The following RBPJ variants were observed in gnomAD, a reference collection of about 807,000 sequenced individuals.
RBPJ encodes recombining binding protein suppressor of hairless.
Under a neutral mutation model 67.8 loss-of-function variants are expected in RBPJ, and 9 were observed. The ratio of observed to expected loss-of-function variants is 0.13; its 90% CI spans 0.08 to 0.23. The LOEUF is 0.23. Ranked by LOEUF, RBPJ falls within the 10% of genes least tolerant of loss-of-function variation. The pLI is 1.00. For missense variants in RBPJ, 305 were observed against 595.6 expected, an observed-to-expected ratio of 0.51 and a Z score of 5.08; for synonymous variants, 198 against 203.3, an observed-to-expected ratio of 0.97 and a Z score of 0.22.
At chr4:26,385,018 T>G (rs1415332900) in intron 1 of RBPJ, among the ~76,000 whole-genome samples, 5 of 121,854 alleles carry the variant, frequency 4.1e-5, no homozygotes, top group Non-Finnish European at 6.8e-5. Context: ...CCCCTTTCCT[T>G]TCCTCTCGTC....
chr4:26,221,025 GTA>G (rs1718884205), intron 1 of RBPJ, among the ~76,000 whole-genome samples: 1 of 152,222 alleles, frequency 6.6e-6, no homozygotes, highest in Non-Finnish European at 1.5e-5. Context: ...ACTCATTAAT[GTA>G]TAACTAGGAC....
rs145496526 is a variant in RBPJ, at chr4:26,241,995, C to T, written c.-167+78381C>T. 2.7e-3 allele frequency among the ~76,000 whole-genome samples: 414 copies of T among 152,324 alleles called. 3 individuals carry two copies. Among genetic ancestry groups the T allele is most frequent in the African/African-American group, 9.6e-3 (400 of 41,578 alleles). On this transcript the variant is annotated intron_variant, in intron 1 of 4. Transcript: ENST00000512351. Reference sequence around the variant, plus strand: ...CAAAGAGAGCACAAAGTTGGATCCTCTGTGGGATTTGTTCATATATTCATT... The same window carrying T: ...CAAAGAGAGCACAAAGTTGGATCCTTTGTGGGATTTGTTCATATATTCATT...
At chr4:26,338,094 TG>T (rs200797384) in intron 1 of RBPJ, among the ~76,000 whole-genome samples, 47 of 150,056 alleles carry the variant, frequency 3.1e-4, no homozygotes, top group Middle Eastern at 3.4e-3. Flanking sequence ...GTTTTTTTGT[TG>T]TTTTTTTTTC....
chr4:26,254,452 G>A (rs1720224800), intron 1 of RBPJ, among the ~76,000 whole-genome samples: 1 of 148,486 alleles, frequency 6.7e-6, no homozygotes, highest in South Asian at 2.1e-4. Flanking sequence ...TTCCTAGAAG[G>A]TTCTGTTCCA....
rs549554611 is a variant in RBPJ, at chr4:26,401,806, T to C, written c.60-4369T>C. Among the ~76,000 whole-genome samples, 7 of 152,296 alleles carry C rather than the reference T, an allele frequency of 4.6e-5. No individual in the cohort carries two copies. In the East Asian group the frequency reaches 1.2e-3, roughly 25 times the overall value. ...CAAATATATAGTAGCTCTTCAAGTT[T>C]TGTGCTGGGAAATTTTGTGCCAGTT... On this transcript the variant is annotated intron_variant, in intron 2 of 10. Coordinates refer to ENST00000355476, the MANE Select transcript of RBPJ (RefSeq NM_015874.6).
intron 1 of RBPJ, among the ~76,000 whole-genome samples, chr4:26,357,161 T>G (rs1727469857): frequency 6.6e-6 from 1 of 152,226 alleles, no homozygotes; most frequent in South Asian, 2.1e-4. Flanking sequence ...GAGCCCTTTG[T>G]AAAGGTTTTA....
Position 26,293,859 on chromosome 4 carries a change from G to A in RBPJ, c.-166-68587G>A, listed in dbSNP as rs997070916. 2.6e-5 allele frequency among the ~76,000 whole-genome samples: 4 copies of A among 152,086 alleles called. No homozygotes were observed. In the East Asian group the frequency reaches 7.7e-4, roughly 29 times the overall value. ...TGCAACCTCTGCCTCCCAGGTTCAA[G>A]CAATTCTCCTGCCTCAGCTTCCCCA... On this transcript the variant is annotated intron_variant, in intron 1 of 4. Coordinates refer to the RBPJ transcript ENST00000512351.
chr4:26,113,403 C>A, the RBPJ span: 1 of 543,104 alleles, frequency 1.8e-6, no homozygotes, highest in Non-Finnish European at 3.6e-6. Flanking sequence ...GGAGAGAAAC[C>A]CTATGAATGT....
chr4:26,373,367 T>G (rs1192292500), intron 1 of RBPJ, among the ~76,000 whole-genome samples: 1 of 152,236 alleles, frequency 6.6e-6, no homozygotes, highest in African/African-American at 2.4e-5. Flanking sequence ...CTTAACCCCT[T>G]ATAAACCTGA....
upstream of RBPJ, chr4:26,320,832 G>C (rs367543820): frequency 6.4e-7 from 1 of 1,562,422 alleles, no homozygotes; most frequent in Non-Finnish European, 8.7e-7. Flanking sequence ...TTCCAGGGAA[G>C]GCAGCGAGCA....
intron 1 of RBPJ, among the ~76,000 whole-genome samples, chr4:26,250,627 T>C (rs1720080056): frequency 6.6e-6 from 1 of 152,032 alleles, no homozygotes; most frequent in African/African-American, 2.4e-5. Context: ...CCACCGCACC[T>C]GGCATTCCAT....
chr4:26,311,483 G>A (rs1271599074), intron 1 of RBPJ, among the ~76,000 whole-genome samples: 4 of 151,778 alleles, frequency 2.6e-5, no homozygotes, highest in Non-Finnish European at 5.9e-5. Context: ...AGGTTGCAGT[G>A]AGCCGAGATT....
At chr4:26,365,678 A>G (rs571043717) in intron 1 of RBPJ, among the ~76,000 whole-genome samples, 1 of 152,194 alleles carries the variant, frequency 6.6e-6, no homozygotes, top group Non-Finnish European at 1.5e-5. Flanking sequence ...AAGTGGTATT[A>G]GTTTTATATT....
At chr4:26,240,287 T>C (rs1719593633) in intron 1 of RBPJ, among the ~76,000 whole-genome samples, 1 of 152,250 alleles carries the variant, frequency 6.6e-6, no homozygotes, top group Non-Finnish European at 1.5e-5. Context: ...TAGTTACTCT[T>C]CTTTCTTACC....
At chr4:26,323,243 T>A (rs1388149236) in intron 1 of RBPJ, among the ~76,000 whole-genome samples, 4 of 152,058 alleles carry the variant, frequency 2.6e-5, no homozygotes, top group Admixed American at 2.0e-4. Flanking sequence ...TTGTACATAA[T>A]CATTGTTTTG....
intron 1 of RBPJ, among the ~76,000 whole-genome samples, chr4:26,230,719 ATCAGT>A (rs145172886): frequency 7.2e-5 from 11 of 152,276 alleles, no homozygotes; most frequent in Admixed American, 1.3e-4. Context: ...TTCCTTACAA[ATCAGT>A]TCAGTTCAGT....
upstream of RBPJ, among the ~76,000 whole-genome samples, chr4:26,316,827 CTTT>C (rs56130072): frequency 2.8e-5 from 2 of 71,394 alleles, no homozygotes; most frequent in African/African-American, 5.6e-5. Context: ...ACCCAGACGA[CTTT>C]TTTTTTTTTT....
At chr4:26,309,026 T>A (rs1440027826) in intron 1 of RBPJ, among the ~76,000 whole-genome samples, 1 of 151,902 alleles carries the variant, frequency 6.6e-6, no homozygotes, top group African/African-American at 2.4e-5. Flanking sequence ...ATCCACATAA[T>A]TATCTAATTT....
At chr4:26,320,728 C>G (rs746208646), upstream of RBPJ, 6 of 1,549,552 alleles carry the variant, frequency 3.9e-6, no homozygotes, top group Non-Finnish European at 5.2e-6. Flanking sequence ...AAAGCGCGTC[C>G]TAAAACCCGG....
Sources: allele counts gnomAD v4.1 joint callset (sites outside exome capture counted in the v4.1 genomes callset), GRCh38; gene constraint gnomAD v4.1.1; transcripts MANE v1.5; gene names NCBI Gene and HGNC (gene_info 2026-07-23, HGNC 2026-07-21).